Variants in CDC42BPA observed in about 807,000 individuals in gnomAD.
CDC42BPA encodes serine/threonine-protein kinase MRCK alpha.
A neutral mutation model predicts 223.5 loss-of-function variants in CDC42BPA; 80 were observed. The observed-to-expected ratio is 0.36, with a 90% CI of 0.30 to 0.43. CDC42BPA has a LOEUF of 0.43. Among genes scored for constraint, CDC42BPA ranks in the 20% least tolerant of loss-of-function variants. CDC42BPA has a pLI of 1.00. For missense variants in CDC42BPA, 1,743 were observed against 2,099.9 expected, an observed-to-expected ratio of 0.83 and a Z score of 3.32; for synonymous variants, 694 against 718.6, an observed-to-expected ratio of 0.97 and a Z score of 0.55.
chr1:227,199,705 T>A, intron 3 of CDC42BPA, 53 bp from the exon 4 acceptor site: 1 of 858,922 alleles, frequency 1.2e-6, no homozygotes, highest in South Asian at 1.4e-5. Context: ...AACTAGGAAA[T>A]ATACAAAGAA....
intron 1 of CDC42BPA, among the ~76,000 whole-genome samples, chr1:227,280,493 A>C (rs1687838988): frequency 6.6e-6 from 1 of 152,244 alleles, no homozygotes; most frequent in Non-Finnish European, 1.5e-5. Context: ...CACAGAGTTC[A>C]GACTGTTCTC....
At chr1:227,239,819 A>C (rs1191704810) in intron 2 of CDC42BPA, among the ~76,000 whole-genome samples, 1 of 152,138 alleles carries the variant, frequency 6.6e-6, no homozygotes, top group Non-Finnish European at 1.5e-5. Flanking sequence ...CACCATACTT[A>C]ACAGTAAAAC....
intron 1 of CDC42BPA, among the ~76,000 whole-genome samples, chr1:227,288,974 A>G (rs936939551): frequency 2.0e-5 from 3 of 152,052 alleles, no homozygotes; most frequent in Admixed American, 2.0e-4. Flanking sequence ...AGCCTGGGCA[A>G]AAAGAGCAAA....
At chr1:227,161,895 G>A (rs1321476794) in intron 5 of CDC42BPA, among the ~76,000 whole-genome samples, 4 of 152,198 alleles carry the variant, frequency 2.6e-5, no homozygotes, top group Admixed American at 2.6e-4. Flanking sequence ...ACAACAATCT[G>A]TATAGGGTAT....
intron 1 of CDC42BPA, among the ~76,000 whole-genome samples, chr1:227,269,170 TG>T (rs1685567907): frequency 1.3e-5 from 2 of 152,244 alleles, no homozygotes; most frequent in Admixed American, 6.5e-5. Flanking sequence ...AACAAATAGG[TG>T]GGGCTATGTT....
intron 10 of CDC42BPA, among the ~76,000 whole-genome samples, chr1:227,129,714 T>TATATATTTATATATATATATATATATAC (rs140091366): frequency 9.5e-6 from 1 of 105,806 alleles, no homozygotes; most frequent in Non-Finnish European, 1.9e-5. Context: ...TATATATATA[T>TATATATTTATATATATATATATATATAC]ACAAAAGAAT....
In CDC42BPA at chr1:227,317,639, G is replaced by A. The variant is rs1694614956; in HGVS notation, c.-457C>T. The A allele has an allele frequency of 5.0e-6, 2 of 397,430 alleles. No individual in the cohort carries two copies. Among genetic ancestry groups the A allele is most frequent in the Non-Finnish European group, 8.9e-6 (2 of 225,762 alleles). The allele number at this position is 397,430 out of a possible 1,614,324, so 24.6% of individuals were successfully genotyped here. ...GCATCAGCAATTCACTTCCCGGGAA[G>A]AAGAAAAACAGAAAAGGGAGGAAAA... On this transcript the variant is annotated 5_prime_UTR_variant, in exon 1 of 37. Transcript: ENST00000366766.
At chr1:227,193,955 A>T in intron 4 of CDC42BPA, 21 bp from the exon 5 acceptor site, 2 of 1,578,604 alleles carry the variant, frequency 1.3e-6, no homozygotes, top group Non-Finnish European at 1.7e-6. Context: ...AAAAAATAAA[A>T]TGTACTCAGT....
intron 24 of CDC42BPA, 88 bp downstream of exon 24, chr1:227,040,042 CA>C (rs1422235632): frequency 7.1e-5 from 60 of 843,556 alleles, no homozygotes; most frequent in Non-Finnish European, 1.2e-4. Flanking sequence ...TTAAGTAAAA[CA>C]AACATTTATA....
At chr1:227,311,670 A>G (rs895903536) in intron 1 of CDC42BPA, among the ~76,000 whole-genome samples, 3 of 152,128 alleles carry the variant, frequency 2.0e-5, no homozygotes, top group Non-Finnish European at 4.4e-5. Flanking sequence ...GAAATACAAG[A>G]GTGAAATTAA....
intron 3 of CDC42BPA, among the ~76,000 whole-genome samples, chr1:227,200,386 G>A (rs1038240293): frequency 1.2e-4 from 18 of 147,836 alleles, no homozygotes; most frequent in African/African-American, 4.5e-4. Flanking sequence ...GGCCAAGATC[G>A]CACCACTGCA....
rs747308120 is a variant in CDC42BPA, at chr1:226,991,373, T to C, written c.*2895A>G. ...CCTCTGAATGGTCATTATGTTTTCTTTGCCTAGAACCCACTCCCTGTCTTT... is the reference window on the plus strand; with the variant it reads ...CCTCTGAATGGTCATTATGTTTTCTCTGCCTAGAACCCACTCCCTGTCTTT... On this transcript the variant is annotated 3_prime_UTR_variant, in exon 37 of 37. Coordinates refer to ENST00000366766, the MANE Select transcript of CDC42BPA (RefSeq NM_001394014.1). 1.3e-5 allele frequency: 2 copies of C among 152,236 alleles called. No individual in the cohort carries two copies. The highest frequency in any genetic ancestry group is 2.9e-5 in the Non-Finnish European group (2 of 68,040). The allele number at this position is 152,236 out of a possible 1,614,324, so 9.4% of individuals were successfully genotyped here. A position where few individuals can be genotyped will look rare whatever the true frequency, so the allele number is the denominator to read the frequency against.
intron 14 of CDC42BPA, among the ~76,000 whole-genome samples, chr1:227,105,216 T>A (rs990176390): frequency 6.6e-6 from 1 of 152,122 alleles, no homozygotes; most frequent in African/African-American, 2.4e-5. Context: ...TATATAAATA[T>A]CACCAGTATC....
intron 5 of CDC42BPA, among the ~76,000 whole-genome samples, chr1:227,174,166 C>CATA (rs1459150834): frequency 6.6e-6 from 1 of 152,078 alleles, no homozygotes; most frequent in Non-Finnish European, 1.5e-5. Context: ...CTTACTGGAA[C>CATA]ATAGCCCACT....
At chr1:227,091,718 T>A (rs1683110658) in intron 16 of CDC42BPA, among the ~76,000 whole-genome samples, 168 bp downstream of exon 16, 1 of 152,202 alleles carries the variant, frequency 6.6e-6, no homozygotes, top group Non-Finnish European at 1.5e-5. Flanking sequence ...AGAAGACTCC[T>A]ATCAGATTAT....
intron 24 of CDC42BPA, among the ~76,000 whole-genome samples, chr1:227,038,361 T>C (rs1340853866): frequency 2.0e-5 from 3 of 152,196 alleles, no homozygotes; most frequent in Non-Finnish European, 2.9e-5. Context: ...GGTATATCTT[T>C]ATTAGCAATG....
intron 1 of CDC42BPA, among the ~76,000 whole-genome samples, chr1:227,275,386 T>C (rs1391029112): frequency 2.0e-5 from 3 of 150,856 alleles, no homozygotes; most frequent in Non-Finnish European, 4.4e-5. Flanking sequence ...AAGCTAATCA[T>C]AGAACTTTAA....
chr1:227,135,855 C>CAAAAAAAAAAAAA (rs1175091904), intron 10 of CDC42BPA, among the ~76,000 whole-genome samples: 2 of 6,598 alleles, frequency 3.0e-4, no homozygotes, highest in African/African-American at 5.4e-4. Context: ...CTCTGTCTCC[C>CAAAAAAAAAAAAA]AAAAAAAAAA....
intron 26 of CDC42BPA, 24 bp downstream of exon 26, chr1:227,034,631 A>G: frequency 6.4e-7 from 1 of 1,568,250 alleles, no homozygotes; most frequent in Non-Finnish European, 8.7e-7. Context: ...AATGATACAA[A>G]TAATTTTACC....
Sources: allele counts gnomAD v4.1 joint callset (sites outside exome capture counted in the v4.1 genomes callset), GRCh38; gene constraint gnomAD v4.1.1; transcripts MANE v1.5; gene names NCBI Gene and HGNC (gene_info 2026-07-23, HGNC 2026-07-21).